TAFA5: variants seen among roughly 807,000 people sequenced by gnomAD.
TAFA5 encodes the protein chemokine-like protein TAFA-5.
A neutral mutation model predicts 15.3 loss-of-function variants in TAFA5; 6 were observed. That is an observed-to-expected ratio of 0.39 (90% confidence interval 0.21 to 0.77). TAFA5 has a LOEUF of 0.77. Among genes scored for constraint, TAFA5 ranks in the 30% least tolerant of loss-of-function variants. The probability of loss-of-function intolerance (pLI) is 0.41; values close to 1 mark genes in which losing one functional copy is unlikely to be tolerated. For missense variants in TAFA5, 161 were observed against 193.1 expected (o/e 0.83, Z 0.98); for synonymous variants, 103 against 80.7 (o/e 1.28, Z -1.48).
chr22:48,696,432 C>G (rs1211187683), intron 2 of TAFA5, among the ~76,000 whole-genome samples: 1 of 152,144 alleles, frequency 6.6e-6, no homozygotes, highest in Non-Finnish European at 1.5e-5. Flanking sequence ...CTCCTTTCCT[C>G]AGGAACTTTG....
intron 1 of TAFA5, among the ~76,000 whole-genome samples, chr22:48,609,553 T>G (rs752553841): frequency 2.0e-5 from 3 of 152,230 alleles, no homozygotes; most frequent in East Asian, 1.9e-4. Flanking sequence ...TGTCCACTTC[T>G]GCTCACGCAC....
At chr22:48,719,989 C>G (rs1009732205) in intron 3 of TAFA5, among the ~76,000 whole-genome samples, 2 of 152,190 alleles carry the variant, frequency 1.3e-5, no homozygotes, top group Admixed American at 1.3e-4. Flanking sequence ...GGAGACGTGA[C>G]ACGCTGGGCG....
intron 1 of TAFA5, among the ~76,000 whole-genome samples, chr22:48,542,297 A>ATG (rs934614405): frequency 6.5e-5 from 1 of 15,498 alleles, no homozygotes. Context: ...TGCATGTGTG[A>ATG]TGTGTGTGTA....
chr22:48,620,906 C>CCCACCCACACTATCCAT (rs1925795905), intron 1 of TAFA5, among the ~76,000 whole-genome samples: 1 of 43,454 alleles, frequency 2.3e-5, no homozygotes, highest in Non-Finnish European at 5.7e-5. Flanking sequence ...AGTCTATCCA[C>CCCACCCACACTATCCAT]CCACCCACCT....
At chr22:48,730,229 A>G (rs1334897432) in intron 3 of TAFA5, among the ~76,000 whole-genome samples, 2 of 152,140 alleles carry the variant, frequency 1.3e-5, no homozygotes, top group African/African-American at 2.4e-5. Flanking sequence ...CTAAAATACA[A>G]AAAAATTAGC....
chr22:48,585,652 A>G (rs1161322496), intron 1 of TAFA5, among the ~76,000 whole-genome samples: 1 of 149,864 alleles, frequency 6.7e-6, no homozygotes, highest in Non-Finnish European at 1.5e-5. Context: ...CACACTATGC[A>G]TTATGCACAC....
At chr22:48,538,172 C>T (rs781140734) in intron 1 of TAFA5, among the ~76,000 whole-genome samples, 22 of 152,272 alleles carry the variant, frequency 1.4e-4, no homozygotes, top group Non-Finnish European at 2.5e-4. Context: ...CGAGATGGCC[C>T]GGGGCTGCAG....
chr22:48,534,155 G>T (rs1922066703), intron 1 of TAFA5, among the ~76,000 whole-genome samples: 1 of 150,936 alleles, frequency 6.6e-6, no homozygotes, highest in Non-Finnish European at 1.5e-5. Context: ...GGTCAGGCAG[G>T]TGAGGGGGGC....
intron 1 of TAFA5, among the ~76,000 whole-genome samples, chr22:48,582,876 C>T (rs1601594133): frequency 6.7e-6 from 1 of 148,780 alleles, no homozygotes; most frequent in East Asian, 2.0e-4. Context: ...GCAAAATACA[C>T]CACACACACT....
Position 48,646,715 on chromosome 22 carries a change from C to T in TAFA5, c.231C>T (p.Gly77=), listed in dbSNP as rs1243061514. The T allele has an allele frequency of 3.8e-6, 6 of 1,596,452 alleles. No homozygotes were observed. Among genetic ancestry groups the T allele is most frequent in the South Asian group, 3.3e-5 (3 of 89,762 alleles). The change falls in exon 2 of 4, where the codon GGC becomes GGT. Residue 77 remains glycine, a synonymous_variant. Transcript: ENST00000402357. Reference sequence around the variant, plus strand: ...CGTGTAGAAAGGGGCAGATCGCCGGCACCACGAGAGCCCGGCCCGCCTGTG... The same window carrying T: ...CGTGTAGAAAGGGGCAGATCGCCGGTACCACGAGAGCCCGGCCCGCCTGTG... ...RCACRKGQIA[G]TTRARPACVD...
At chr22:48,748,622 C>T (rs763424493) in intron 3 of TAFA5, among the ~76,000 whole-genome samples, 8 of 152,204 alleles carry the variant, frequency 5.3e-5, no homozygotes, top group Non-Finnish European at 1.0e-4. Context: ...GTTCTAATCC[C>T]ACAGCCCCGT....
chr22:48,630,332 TG>T (rs1198952509), intron 1 of TAFA5, among the ~76,000 whole-genome samples: 2 of 151,984 alleles, frequency 1.3e-5, no homozygotes, highest in African/African-American at 4.8e-5. Context: ...TGATGCCTTG[TG>T]GGTGGGGTGG....
chr22:48,597,000 T>C (rs1924788402), intron 1 of TAFA5, among the ~76,000 whole-genome samples: 1 of 152,106 alleles, frequency 6.6e-6, no homozygotes, highest in South Asian at 2.1e-4. Context: ...GAGATGAAGG[T>C]CTCGCTGCGA....
intron 1 of TAFA5, among the ~76,000 whole-genome samples, chr22:48,526,264 T>C (rs1246607405): frequency 3.3e-5 from 5 of 152,238 alleles, no homozygotes; most frequent in Non-Finnish European, 7.3e-5. Context: ...GCTGGGACTA[T>C]GCCATCTGTG....
intron 3 of TAFA5, among the ~76,000 whole-genome samples, chr22:48,710,910 C>T (rs1457849817): frequency 6.6e-6 from 1 of 152,154 alleles, no homozygotes; most frequent in Non-Finnish European, 1.5e-5. Flanking sequence ...TGCTGGTGGC[C>T]AGGTGTACAG....
At chr22:48,603,407 T>G (rs1925046940) in intron 1 of TAFA5, among the ~76,000 whole-genome samples, 2 of 152,200 alleles carry the variant, frequency 1.3e-5, no homozygotes. Flanking sequence ...CACGTGTGGC[T>G]GGGGGTGATC....
At chr22:48,521,888 G>C (rs1601846371) in intron 1 of TAFA5, among the ~76,000 whole-genome samples, 1 of 152,256 alleles carries the variant, frequency 6.6e-6, no homozygotes, top group East Asian at 1.9e-4. Flanking sequence ...TTCATGTGGA[G>C]GGTGTGGAGG....
chr22:48,698,796 T>G (rs1928809605), intron 2 of TAFA5, among the ~76,000 whole-genome samples: 1 of 150,816 alleles, frequency 6.6e-6, no homozygotes, highest in Admixed American at 6.6e-5. Context: ...ACAGGCCCCG[T>G]GCGTGGCCGG....
At chr22:48,600,848 C>T (rs1207048060) in intron 1 of TAFA5, among the ~76,000 whole-genome samples, 3 of 152,156 alleles carry the variant, frequency 2.0e-5, no homozygotes, top group Non-Finnish European at 4.4e-5. Flanking sequence ...GGAGCCAGGG[C>T]GGTTACCGGA....
Sources: gnomAD v4.1 joint callset for allele counts (sites outside exome capture counted in the v4.1 genomes callset) on GRCh38, gnomAD v4.1.1 for gene constraint, MANE v1.5 for transcripts, NCBI Gene and HGNC (gene_info 2026-07-23, HGNC 2026-07-21) for gene names.